Variants in FOCAD observed in about 807,000 individuals in gnomAD.
The protein encoded by FOCAD is focadhesin, also known as KIAA1797.
In FOCAD, 198 loss-of-function variants were observed where a neutral mutation model predicts 225.6. The ratio of observed to expected loss-of-function variants is 0.88; its 90% CI spans 0.78 to 0.99. FOCAD has a LOEUF of 0.99. Among genes scored for constraint, FOCAD ranks in the 50% least tolerant of loss-of-function variants. FOCAD has a pLI of 0.00. For synonymous variants in FOCAD, 897 were observed against 755.0 expected, an observed-to-expected ratio of 1.19 and a Z score of -3.08; for missense variants, 2,713 against 2,123.6, an observed-to-expected ratio of 1.28 and a Z score of -5.46.
intron 1 of FOCAD, among the ~76,000 whole-genome samples, chr9:20,701,464 A>C (rs1823937658): frequency 6.6e-6 from 1 of 152,168 alleles, no homozygotes; most frequent in Non-Finnish European, 1.5e-5. Context: ...TGGGTATATA[A>C]TTGCTTTAAT....
intron 15 of FOCAD, among the ~76,000 whole-genome samples, chr9:20,856,569 G>A (rs1464786354): frequency 4.0e-5 from 6 of 151,810 alleles, no homozygotes; most frequent in African/African-American, 1.5e-4. Context: ...TGTTTCCTTT[G>A]CTGTGCAGAG....
At chr9:20,679,666 T>C (rs1822341994), upstream of FOCAD, among the ~76,000 whole-genome samples, 1 of 152,196 alleles carries the variant, frequency 6.6e-6, no homozygotes, top group Non-Finnish European at 1.5e-5. Context: ...AATAGAGAAC[T>C]GCTTAACTAC....
Position 20,924,506 on chromosome 9 carries a change from C to T in FOCAD, c.2961+738C>T, listed in dbSNP as rs190125760. Among the ~76,000 whole-genome samples the T allele has an allele frequency of 1.4e-3, 212 of 152,218 alleles. 1 individual carries two copies. The highest frequency in any genetic ancestry group is 3.0e-3 in the African/African-American group (123 of 41,526). On this transcript the variant is annotated intron_variant, in intron 25 of 43. Coordinates refer to ENST00000338382, the MANE Select transcript of FOCAD (RefSeq NM_001375567.1). ...ACAATGCTCACCAGATAGGATTGTT[C>T]GAAGGATTAAATGAATTAATATATG...
At chr9:20,891,116 C>T (rs532560444) in intron 21 of FOCAD, among the ~76,000 whole-genome samples, 65 of 152,124 alleles carry the variant, frequency 4.3e-4, no homozygotes, top group Non-Finnish European at 5.6e-4. Context: ...TTTGAAGTTA[C>T]GATTGTAATT....
intron 4 of FOCAD, among the ~76,000 whole-genome samples, chr9:20,735,692 GTT>G (rs111699762): frequency 7.1e-6 from 1 of 141,348 alleles, no homozygotes; most frequent in Admixed American, 7.1e-5. Flanking sequence ...ATTTTTTAAG[GTT>G]TTTTTTTTTT....
At chr9:20,901,111 A>G (rs749806546) in intron 21 of FOCAD, among the ~76,000 whole-genome samples, 1 of 151,828 alleles carries the variant, frequency 6.6e-6, no homozygotes, top group Non-Finnish European at 1.5e-5. Context: ...TTTCTTGTAT[A>G]TAAACAATAG....
chr9:20,688,305 A>T (rs1196626161), intron 1 of FOCAD, among the ~76,000 whole-genome samples: 2 of 152,204 alleles, frequency 1.3e-5, no homozygotes, highest in Non-Finnish European at 2.9e-5. Context: ...GAAGAGGATG[A>T]ATTCCAGATA....
At chr9:20,923,804 A>T (rs759055248) in intron 25 of FOCAD, 36 bp downstream of exon 25, 184 of 1,522,784 alleles carry the variant, frequency 1.2e-4, no homozygotes, top group Non-Finnish European at 1.6e-4. Context: ...GGCTTTGATT[A>T]TGTCTTTTTA....
At chr9:20,769,228 T>C (rs1587091369) in intron 7 of FOCAD, among the ~76,000 whole-genome samples, 1 of 152,208 alleles carries the variant, frequency 6.6e-6, no homozygotes, top group South Asian at 2.1e-4. Context: ...TCTCTGTGTA[T>C]AACTAATAGT....
At chr9:20,816,749 A>G (rs1823765388) in intron 11 of FOCAD, among the ~76,000 whole-genome samples, 1 of 152,142 alleles carries the variant, frequency 6.6e-6, no homozygotes, top group Admixed American at 6.6e-5. Context: ...CTGGTTTTTC[A>G]TCTGTGGATT....
intron 11 of FOCAD, among the ~76,000 whole-genome samples, chr9:20,813,424 C>A (rs369555318): frequency 2.1e-4 from 32 of 152,190 alleles, no homozygotes; most frequent in African/African-American, 6.7e-4. Flanking sequence ...TTTTGAGGAA[C>A]CTTCATGCTG....
Position 20,687,758 on chromosome 9 carries a change from T to G in FOCAD, c.-33+3465T>G, listed in dbSNP as rs779584344. Among the ~76,000 whole-genome samples the G allele has an allele frequency of 4.6e-5, 7 of 152,358 alleles. 1 individual carries two copies. Among genetic ancestry groups the G allele is most frequent in the South Asian group, 2.1e-4 (1 of 4,830 alleles). The stretch of plus-strand genomic sequence containing the variant: ...AGCAACTACTTTGGTGCTAGGTCCT[T>G]AACTTATCTTTAAGGAACTTACAGT... On this transcript the variant is annotated intron_variant, in intron 1 of 43. Coordinates refer to ENST00000338382, the MANE Select transcript of FOCAD (RefSeq NM_001375567.1).
intron 9 of FOCAD, among the ~76,000 whole-genome samples, chr9:20,779,348 CACTTT>C (rs1819120042): frequency 6.6e-6 from 1 of 152,238 alleles, no homozygotes; most frequent in African/African-American, 2.4e-5. Flanking sequence ...GGTGCTGCCT[CACTTT>C]ACTTGGTCTG....
chr9:20,756,275 T>C (rs1389271933), intron 5 of FOCAD, among the ~76,000 whole-genome samples: 1 of 152,110 alleles, frequency 6.6e-6, no homozygotes, highest in Admixed American at 6.6e-5. Flanking sequence ...TGAAGTTAGT[T>C]AGTACATGAT....
intron 5 of FOCAD, among the ~76,000 whole-genome samples, chr9:20,752,906 A>C (rs1349625752): frequency 6.7e-6 from 1 of 150,200 alleles, no homozygotes; most frequent in African/African-American, 2.4e-5. Context: ...TAGGTATTTT[A>C]TTCTCTTTGA....
At chr9:20,697,334 G>A (rs972446767) in intron 1 of FOCAD, among the ~76,000 whole-genome samples, 1 of 152,100 alleles carries the variant, frequency 6.6e-6, no homozygotes, top group African/African-American at 2.4e-5. Flanking sequence ...TTTTTAAAAT[G>A]TCAGTCATAT....
chr9:20,866,662 TCCCTTCACAGA>T (rs1425171377), intron 17 of FOCAD, among the ~76,000 whole-genome samples: 2 of 151,962 alleles, frequency 1.3e-5, no homozygotes, highest in Non-Finnish European at 2.9e-5. Context: ...TGTTCTTACT[TCCCTTCACAGA>T]CCCTTTCACT....
intron 1 of FOCAD, among the ~76,000 whole-genome samples, chr9:20,710,229 ATTTTT>A (rs749860355): frequency 9.8e-5 from 10 of 102,286 alleles, no homozygotes; most frequent in South Asian, 3.5e-4. Context: ...AGTAGCTGAG[ATTTTT>A]TTTTTTTTTT....
intron 11 of FOCAD, among the ~76,000 whole-genome samples, chr9:20,799,629 G>C (rs1821559125): frequency 6.6e-6 from 1 of 152,006 alleles, no homozygotes; most frequent in South Asian, 2.1e-4. Flanking sequence ...TTTGATCTTT[G>C]TTGGTTTAAA....
Sources: gnomAD v4.1 joint callset for allele counts (sites outside exome capture counted in the v4.1 genomes callset) on GRCh38, gnomAD v4.1.1 for gene constraint, MANE v1.5 for transcripts, NCBI Gene and HGNC (gene_info 2026-07-23, HGNC 2026-07-21) for gene names.